The following ROBO2 variants were observed in gnomAD, a reference collection of about 807,000 sequenced individuals.
The protein encoded by ROBO2 is roundabout guidance receptor 2.
ROBO2 carries 53 observed loss-of-function variants against 160.8 expected under a neutral mutation model. The ratio of observed to expected loss-of-function variants is 0.33; its 90% CI spans 0.26 to 0.41. The LOEUF (loss-of-function observed/expected upper bound fraction) is 0.41. Among genes scored for constraint, ROBO2 ranks in the 10% least tolerant of loss-of-function variants. The probability of loss-of-function intolerance (pLI) is 1.00; values close to 1 mark genes in which losing one functional copy is unlikely to be tolerated. For synonymous variants in ROBO2, 664 were observed against 611.7 expected (o/e 1.09, Z -1.26); for missense variants, 1,577 against 1,722.4 (o/e 0.92, Z 1.49).
At chr3:77,068,496 T>C (rs963365295) in intron 1 of ROBO2, among the ~76,000 whole-genome samples, 7 of 152,238 alleles carry the variant, frequency 4.6e-5, no homozygotes, top group Non-Finnish European at 1.0e-4. Context: ...TTTTTTTCCA[T>C]TGCTGGTTTC....
chr3:76,498,869 A>G (rs1451481915), intron 2 of ROBO2, among the ~76,000 whole-genome samples: 2 of 151,922 alleles, frequency 1.3e-5, no homozygotes, highest in Non-Finnish European at 2.9e-5. Flanking sequence ...TTGTATTTGT[A>G]GTAGAGAGGG....
At chr3:76,579,501 T>C (rs1030906489) in intron 2 of ROBO2, among the ~76,000 whole-genome samples, 8 of 152,148 alleles carry the variant, frequency 5.3e-5, no homozygotes, top group African/African-American at 1.9e-4. Flanking sequence ...AATAAATGAT[T>C]GAAGGAAACT....
At chr3:77,312,537 A>G (rs943081647) in intron 2 of ROBO2, among the ~76,000 whole-genome samples, 16 of 152,224 alleles carry the variant, frequency 1.1e-4, no homozygotes, top group African/African-American at 3.1e-4. Flanking sequence ...ATAAACCAAT[A>G]TGGAAGTAGT....
At chr3:76,032,148 G>T (rs942031322) in intron 2 of ROBO2, among the ~76,000 whole-genome samples, 28 of 152,134 alleles carry the variant, frequency 1.8e-4, no homozygotes, top group Admixed American at 6.5e-5. Flanking sequence ...TTGCAGAGAG[G>T]TGTTTATAGT....
chr3:76,172,563 C>T (rs973513846), intron 2 of ROBO2, among the ~76,000 whole-genome samples: 2 of 151,848 alleles, frequency 1.3e-5, no homozygotes, highest in Admixed American at 6.6e-5. Flanking sequence ...TTTAACAGGA[C>T]CTAGATTCTC....
intron 2 of ROBO2, among the ~76,000 whole-genome samples, chr3:76,653,424 A>G (rs551559352): frequency 4.8e-4 from 72 of 151,066 alleles, no homozygotes; most frequent in Middle Eastern, 3.4e-3. Flanking sequence ...ATTCATGAGA[A>G]TGATGCAGGT....
chr3:77,173,644 A>T (rs2079852107), intron 2 of ROBO2, among the ~76,000 whole-genome samples: 1 of 152,054 alleles, frequency 6.6e-6, no homozygotes, highest in Admixed American at 6.6e-5. Flanking sequence ...TACGTAGAAG[A>T]CATATGTGTG....
At chr3:77,142,780 C>G (rs183430350) in intron 2 of ROBO2, among the ~76,000 whole-genome samples, 115 of 152,252 alleles carry the variant, frequency 7.6e-4, no homozygotes, top group African/African-American at 2.5e-3. Flanking sequence ...AGGCAGCTAC[C>G]TCTTCTGAGG....
chr3:77,213,436 A>G (rs939300059), intron 2 of ROBO2, among the ~76,000 whole-genome samples: 3 of 151,974 alleles, frequency 2.0e-5, no homozygotes, highest in Non-Finnish European at 4.4e-5. Flanking sequence ...CCCCTTTATC[A>G]TTTTTTATTG....
intron 2 of ROBO2, among the ~76,000 whole-genome samples, chr3:76,753,840 G>A (rs1014836173): frequency 6.6e-6 from 1 of 151,786 alleles, no homozygotes; most frequent in African/African-American, 2.4e-5. Context: ...GATAGTTTCA[G>A]GACTGGCTCT....
chr3:76,811,922 G>C (rs2065227151), intron 2 of ROBO2, among the ~76,000 whole-genome samples: 1 of 145,624 alleles, frequency 6.9e-6, no homozygotes, highest in South Asian at 2.2e-4. Context: ...CCACGCTGGA[G>C]TGCAATGGCA....
chr3:75,955,760 A>C (rs2107227828), intron 2 of ROBO2, among the ~76,000 whole-genome samples: 1 of 151,798 alleles, frequency 6.6e-6, no homozygotes, highest in Middle Eastern at 3.4e-3. Flanking sequence ...TGTGACTCTG[A>C]GTTAGATGTC....
intron 13 of ROBO2, among the ~76,000 whole-genome samples, chr3:77,570,482 T>C (rs183398172): frequency 1.3e-5 from 2 of 152,116 alleles, no homozygotes; most frequent in Admixed American, 1.3e-4. Flanking sequence ...TATTATGAAG[T>C]ACTCTTTTTA....
At chr3:76,459,854 A>G (rs979800533) in intron 2 of ROBO2, among the ~76,000 whole-genome samples, 8 of 152,128 alleles carry the variant, frequency 5.3e-5, no homozygotes, top group Non-Finnish European at 8.8e-5. Flanking sequence ...AGGATCACTT[A>G]AGTTCAGTTT....
chr3:76,113,408 T>C (rs192802768), intron 2 of ROBO2, among the ~76,000 whole-genome samples: 20 of 152,252 alleles, frequency 1.3e-4, no homozygotes, highest in African/African-American at 3.4e-4. Context: ...GAGGTCTTTA[T>C]CCTTGTACCT....
At chr3:76,210,362 T>C (rs1270861922) in intron 2 of ROBO2, among the ~76,000 whole-genome samples, 1 of 152,112 alleles carries the variant, frequency 6.6e-6, no homozygotes, top group African/African-American at 2.4e-5. Context: ...TCTAGCCGTC[T>C]GAAAAAGAAT....
chr3:77,498,474 T>A (rs1009347909), intron 5 of ROBO2, among the ~76,000 whole-genome samples: 3 of 152,180 alleles, frequency 2.0e-5, no homozygotes, highest in Non-Finnish European at 2.9e-5. Context: ...CTTAACCCAC[T>A]GACAAAATTT....
chr3:77,244,180 A>G (rs2089417934), intron 2 of ROBO2, among the ~76,000 whole-genome samples: 1 of 152,210 alleles, frequency 6.6e-6, no homozygotes, highest in South Asian at 2.1e-4. Context: ...ATTATATAAA[A>G]GTACCTTTTC....
intron 2 of ROBO2, among the ~76,000 whole-genome samples, chr3:76,631,181 T>G (rs1303281011): frequency 6.6e-6 from 1 of 152,206 alleles, no homozygotes; most frequent in African/African-American, 2.4e-5. Flanking sequence ...AAAGGAAATA[T>G]TAAATCTAAT....
Sources: gnomAD v4.1 joint callset for allele counts (sites outside exome capture counted in the v4.1 genomes callset) on GRCh38, gnomAD v4.1.1 for gene constraint, MANE v1.5 for transcripts, NCBI Gene and HGNC (gene_info 2026-07-23, HGNC 2026-07-21) for gene names.